Variants in NRBP2 observed in about 807,000 individuals in gnomAD.
NRBP2 encodes nuclear receptor binding protein 2.
NRBP2 carries 47 observed loss-of-function variants against 74.4 expected under a neutral mutation model. The observed-to-expected ratio is 0.63, with a 90% CI of 0.50 to 0.81. The LOEUF (loss-of-function observed/expected upper bound fraction) is 0.81, where lower values mean the gene tolerates loss of function less well. Ranked by LOEUF, NRBP2 falls within the 30% of genes least tolerant of loss-of-function variation. NRBP2 has a pLI of 0.00. For synonymous variants in NRBP2, 312 were observed against 273.8 expected (o/e 1.14, Z -1.38); for missense variants, 613 against 690.1 (o/e 0.89, Z 1.25).
chr8:143,837,016 G>GAGC lies in NRBP2; in HGVS notation c.1263+20_1263+22dup. 6.2e-7 allele frequency: 1 copy of GAGC among 1,603,138 alleles called. No homozygotes were observed. Among genetic ancestry groups the GAGC allele is most frequent in the Non-Finnish European group, 8.5e-7 (1 of 1,177,058 alleles). ...GTTAGAAGGTCTGAGGGATGGCACT[G>GAGC]AGCAGCAGGAGAGGGGACTCACCTT... On this transcript the variant is annotated intron_variant, in intron 14 of 17. Coordinates refer to ENST00000442628, the MANE Select transcript of NRBP2 (RefSeq NM_178564.4). This position sits in a 1 kb window ranked among gnomAD's most constrained non-coding sequence, Gnocchi z 4.3.
At chr8:143,832,831 C>T (rs1017821963), downstream of NRBP2, among the ~76,000 whole-genome samples, 9 of 152,172 alleles carry the variant, frequency 5.9e-5, no homozygotes, top group Non-Finnish European at 8.8e-5. Flanking sequence ...ATATGCTGAA[C>T]GCTGGTTCCC....
chr8:143,839,907 C>T lies in NRBP2; in HGVS notation c.354+22G>A. 2.6e-6 allele frequency: 4 copies of T among 1,535,690 alleles called. No homozygotes were observed. Among genetic ancestry groups the T allele is most frequent in the Non-Finnish European group, 1.7e-6 (2 of 1,146,490 alleles). On this transcript the variant is annotated intron_variant, in intron 3 of 17. Coordinates refer to ENST00000442628, the MANE Select transcript of NRBP2 (RefSeq NM_178564.4). The surrounding 1 kb of genome is among the most constrained non-coding windows in gnomAD (Gnocchi z 5.1). Reference sequence around the variant, plus strand: ...CCACCTAGCTGTGGTCTCTGCCTGCCCGGGGCCTTGCCCGTGCTCACCCTC... The same window carrying T: ...CCACCTAGCTGTGGTCTCTGCCTGCTCGGGGCCTTGCCCGTGCTCACCCTC...
At position 143,840,246 on chromosome 8, in the gene NRBP2, G is replaced by A. The variant is rs1458957901; in HGVS notation, c.130-17C>T. 4.2e-5 allele frequency: 64 copies of A among 1,535,684 alleles called. No individual in the cohort carries two copies. Among genetic ancestry groups the A allele is most frequent in the African/African-American group, 2.7e-4 (20 of 73,054 alleles). ...TTGGTTTACCTGGGGGTGAATAAAG[G>A]GTTATGTGTGCCCTGGTGTGTGTCA... On this transcript the variant is annotated splice_polypyrimidine_tract_variant and intron_variant, in intron 1 of 17. Coordinates refer to ENST00000442628, the MANE Select transcript of NRBP2 (RefSeq NM_178564.4). This position sits in a 1 kb window ranked among gnomAD's most constrained non-coding sequence, Gnocchi z 5.7.
chr8:143,840,653 C>A lies in NRBP2; in HGVS notation c.129+53G>T. ...CCCACGCCCCGCGCAGCCTCCAGGC[C>A]CCTCCCGCTCTGGGAGGGCGGTGTC... On this transcript the variant is annotated intron_variant, in intron 1 of 17. Transcript: ENST00000442628. The surrounding 1 kb of genome is among the most constrained non-coding windows in gnomAD (Gnocchi z 5.7). 7.1e-7 allele frequency: 1 copy of A among 1,410,834 alleles called. No individual in the cohort carries two copies. The highest frequency in any genetic ancestry group is 9.3e-7 in the Non-Finnish European group (1 of 1,074,496). 87.4% of individuals were successfully genotyped at this position (1,410,834 alleles called of 1,614,324 possible).
rs782455901 is a variant in NRBP2, at chr8:143,835,844, G to A, written c.1413C>T (p.Leu471=). The change falls in exon 17 of 18, where the codon CTC becomes CTT. Residue 471 remains leucine (L), a synonymous_variant. Coordinates refer to ENST00000442628, the MANE Select transcript of NRBP2 (RefSeq NM_178564.4). This position sits in a 1 kb window ranked among gnomAD's most constrained non-coding sequence, Gnocchi z 4.9. ...TDSAQDLASE[L]VHYGFLHEDD... ...CCTCGTGGAGGAAGCCATAGTGCAC[G>A]AGCTCCGAGGCGAGGTCCTGGGCGC... is the stretch of plus-strand genomic sequence containing the variant. 10 of 1,601,470 alleles carry A rather than the reference G, an allele frequency of 6.2e-6. No homozygotes were observed. In the East Asian group the frequency reaches 1.1e-4, roughly 18 times the overall value.
At chr8:143,836,224 C>T in intron 14 of NRBP2, 44 bp from the exon 15 acceptor site, 1 of 1,487,592 alleles carries the variant, frequency 6.7e-7, no homozygotes, top group Non-Finnish European at 8.9e-7. Context: ...AGCAGCAAGA[C>T]CACATGCCGC....
downstream of NRBP2, among the ~76,000 whole-genome samples, chr8:143,833,103 G>T (rs916539565): frequency 3.3e-5 from 5 of 152,204 alleles, no homozygotes; most frequent in African/African-American, 1.2e-4. Context: ...CCACTGGGCT[G>T]TAAGTCCAAG....
At position 143,839,725 on chromosome 8, in the gene NRBP2, G is replaced by C. The variant is rs782525632; in HGVS notation, c.444+11C>G. ...CCTGTCCCCGTGGCTGCCCCAGCCC[G>C]CTCCCCATACCCGGGCGTTCATGGC... is the stretch of plus-strand genomic sequence containing the variant. On this transcript the variant is annotated intron_variant, in intron 4 of 17. Transcript: ENST00000442628. The surrounding 1 kb of genome is among the most constrained non-coding windows in gnomAD (Gnocchi z 5.1). The C allele has an allele frequency of 1.3e-5, 20 of 1,535,378 alleles. No individual in the cohort carries two copies. The highest frequency in any genetic ancestry group is 9.6e-5 in the African/African-American group (7 of 73,004).
At chr8:143,838,021 T>C in intron 10 of NRBP2, 2 of 685,212 alleles carry the variant, frequency 2.9e-6, no homozygotes, top group South Asian at 3.0e-5. Flanking sequence ...GCCATGATCC[T>C]AAAGTCACAC....
chr8:143,836,054 C>G lies in NRBP2; in HGVS notation c.1318-24G>C, dbSNP rs782642569. On this transcript the variant is annotated intron_variant, in intron 15 of 17. Transcript: ENST00000442628. ...AGCTGGGGAGGCGGCGGGGCGTGGTCGGCTGGGGGTTCAGGGCTCCGCCAC... is the reference window on the plus strand; with the variant it reads ...AGCTGGGGAGGCGGCGGGGCGTGGTGGGCTGGGGGTTCAGGGCTCCGCCAC... The G allele has an allele frequency of 1.9e-6, 3 of 1,563,740 alleles. No individual in the cohort carries two copies. In the East Asian group the frequency reaches 6.9e-5, roughly 36 times the overall value.
rs782600750 is a variant in NRBP2 at position 143,835,549 on chromosome 8, G to A, written c.*113C>T. 6 of 885,398 alleles carry A rather than the reference G, an allele frequency of 6.8e-6. No homozygotes were observed. Among genetic ancestry groups the A allele is most frequent in the Middle Eastern group, 2.2e-4 (1 of 4,518 alleles). 54.8% of individuals were successfully genotyped at this position (885,398 alleles called of 1,614,324 possible). On this transcript the variant is annotated 3_prime_UTR_variant, in exon 18 of 18. Coordinates refer to ENST00000442628, the MANE Select transcript of NRBP2 (RefSeq NM_178564.4). This position sits in a 1 kb window ranked among gnomAD's most constrained non-coding sequence, Gnocchi z 4.9. The stretch of plus-strand genomic sequence containing the variant: ...GACGGGGGGTTCCTTCACTACCGGG[G>A]CCTTTGTGCTCCCAGGCGCATGGAG...
rs1260872227 is a variant in NRBP2, at chr8:143,840,279, G to A, written c.130-50C>T. The stretch of plus-strand genomic sequence containing the variant: ...GTGCCCTGGTGTGTGTCAGGGTTGT[G>A]GGTGAGGATTTGGTCCCTGTCCACA... On this transcript the variant is annotated intron_variant, in intron 1 of 17. Transcript: ENST00000442628. The surrounding 1 kb of genome is among the most constrained non-coding windows in gnomAD (Gnocchi z 5.7). 1.3e-6 allele frequency: 2 copies of A among 1,532,068 alleles called. No individual in the cohort carries two copies. Among genetic ancestry groups the A allele is most frequent in the African/African-American group, 2.7e-5 (2 of 73,018 alleles). The allele number at this position is 1,532,068 out of a possible 1,614,324, so 94.9% of individuals were successfully genotyped here. A position where few individuals can be genotyped will look rare whatever the true frequency, so the allele number is the denominator to read the frequency against.
In NRBP2 at chr8:143,838,649, C is replaced by T. The variant is rs188162857; in HGVS notation, c.840+31G>A. Reference sequence around the variant, plus strand: ...CTAGCCCTAGCTGAGCACGGTGAGCCAGCTGGGGAGGGGCAGGGCAAGCTG... The same window carrying T: ...CTAGCCCTAGCTGAGCACGGTGAGCTAGCTGGGGAGGGGCAGGGCAAGCTG... On this transcript the variant is annotated intron_variant, in intron 10 of 17. Transcript: ENST00000442628. 180 of 1,549,294 alleles carry T rather than the reference C, an allele frequency of 1.2e-4. 1 individual carries two copies. In the East Asian group the frequency reaches 3.5e-3, roughly 30 times the overall value.
intron 10 of NRBP2, among the ~76,000 whole-genome samples, chr8:143,838,293 C>T (rs979236750): frequency 1.3e-5 from 2 of 152,212 alleles, no homozygotes; most frequent in East Asian, 3.9e-4. Flanking sequence ...GCTGGAGCCT[C>T]ATCACCTCCT....
chr8:143,836,971 G>C, intron 14 of NRBP2, 68 bp downstream of exon 14: 1 of 1,538,952 alleles, frequency 6.5e-7, no homozygotes, highest in Non-Finnish European at 8.8e-7. Context: ...AAGAGAAGGA[G>C]GGGCACCTCT....
At chr8:143,831,567 C>T (rs982043083), downstream of NRBP2, among the ~76,000 whole-genome samples, 2 of 152,120 alleles carry the variant, frequency 1.3e-5, no homozygotes, top group African/African-American at 2.4e-5. Flanking sequence ...GTTGCAGTGC[C>T]CTGTGATCAC....
rs1818542021 is a variant in NRBP2 at position 143,838,712 on chromosome 8, C to T, written c.808G>A (p.Ala270Thr). Residue 270 changes from alanine (A) to threonine (T), a missense_variant, in exon 10 of 18, where the codon GCC becomes ACC. By Grantham distance (58) the Ala-to-Thr change is moderately conservative. Coordinates refer to ENST00000442628, the MANE Select transcript of NRBP2 (RefSeq NM_178564.4). ...TRVTEEAIAR[A>T]RHSLSDPNMR... ...TTGGGGTCACTCAGCGAGTGCCTGG[C>T]GCGAGCAATGGCCTCCTCTGTGACC... The T allele has an allele frequency of 3.1e-6, 5 of 1,612,190 alleles. No individual in the cohort carries two copies. Among genetic ancestry groups the T allele is most frequent in the Non-Finnish European group, 3.4e-6 (4 of 1,179,236 alleles).
downstream of NRBP2, among the ~76,000 whole-genome samples, chr8:143,831,493 C>A (rs781931756): frequency 6.6e-6 from 1 of 152,152 alleles, no homozygotes; most frequent in Non-Finnish European, 1.5e-5. Context: ...TGGTGGCACA[C>A]GCCTGTAGTC....
rs372427958 is a variant in NRBP2, at chr8:143,837,358, G to A, written c.1076+49C>T. On this transcript the variant is annotated intron_variant, in intron 12 of 17. Transcript: ENST00000442628. The surrounding 1 kb of genome is among the most constrained non-coding windows in gnomAD (Gnocchi z 4.3). ...GCCGGGGCGAGGGGAGGGGAGGTGC[G>A]GGGAGGGGAGGTGTGGGGAGGGGAG... 846 of 1,528,670 alleles carry A rather than the reference G, an allele frequency of 5.5e-4. 12 individuals are homozygous for A. The South Asian group carries it at 9.0e-3, about 16-fold the overall frequency. 94.7% of individuals were successfully genotyped at this position (1,528,670 alleles called of 1,614,324 possible).
Sources: allele counts gnomAD v4.1 joint callset (sites outside exome capture counted in the v4.1 genomes callset), GRCh38; gene constraint gnomAD v4.1.1; non-coding constraint Gnocchi (gnomAD v3.1); transcripts MANE v1.5; gene names NCBI Gene and HGNC (gene_info 2026-07-23, HGNC 2026-07-21).